The following AKAP14 variants were observed in gnomAD, a reference collection of about 807,000 sequenced individuals.
AKAP14 encodes the protein A-kinase anchor protein 14.
In AKAP14, 4 loss-of-function variants were observed where a neutral mutation model predicts 17.0. The observed-to-expected ratio is 0.23, with a 90% CI of 0.12 to 0.54. The LOEUF (loss-of-function observed/expected upper bound fraction) is 0.54. Ranked by LOEUF, AKAP14 falls within the 20% of genes least tolerant of loss-of-function variation. AKAP14 has a pLI of 0.95. For missense variants in AKAP14, 129 were observed against 150.9 expected, an observed-to-expected ratio of 0.85 and a Z score of 0.76; for synonymous variants, 42 against 51.3, an observed-to-expected ratio of 0.82 and a Z score of 0.77.
chrX:119,903,841 TCTTCCTA>T (rs1234640014), intron 4 of AKAP14, among the ~76,000 whole-genome samples: 3 of 112,167 alleles, frequency 2.7e-5, no homozygotes, highest in Non-Finnish European at 5.6e-5. Flanking sequence ...GAAAATCTGC[TCTTCCTA>T]CTTAAGCAAT....
Position 119,914,823 on chromosome X carries a change from C to G in AKAP14, c.386C>G (p.Ala129Gly), listed in dbSNP as rs61752963. 0.013 allele frequency: 15,527 copies of G among 1,209,379 alleles called. 119 individuals are homozygous for G. Among genetic ancestry groups the G allele is most frequent in the Non-Finnish European group, 0.013 (11,204 of 894,822 alleles). The change falls in exon 5 of 7, where the codon GCA becomes GGA. Residue 129 changes from alanine to glycine, a missense_variant. By Grantham distance (60) the Ala-to-Gly change is moderately conservative. Coordinates refer to ENST00000371431, the MANE Select transcript of AKAP14 (RefSeq NM_178813.6). ...WSISTADLPV[A>G]RISAGTYFTM... The stretch of plus-strand genomic sequence containing the variant: ...ATCTCAACTGCTGACCTACCCGTAG[C>G]ACGAATCTCTGCTGGTACCTACTTC...
intron 4 of AKAP14, among the ~76,000 whole-genome samples, chrX:119,907,976 T>A (rs1157973950): frequency 1.8e-5 from 2 of 111,946 alleles, no homozygotes; most frequent in African/African-American, 6.5e-5. Flanking sequence ...ATACGAATAA[T>A]TAAACCTGGT....
chrX:119,919,942 A>G lies in AKAP14; in HGVS notation c.473A>G (p.Asp158Gly), dbSNP rs1410449098. ...DAPIVVSYVGDHQALVHRPGM... is the reference protein window; with the variant it reads ...DAPIVVSYVGGHQALVHRPGM... The stretch of plus-strand genomic sequence containing the variant: ...CCCATTGTTGTTTCTTATGTAGGTG[A>G]CCACCAAGCATTAGTTCACAGGTAA... Residue 158 changes from aspartate to glycine, a missense_variant, in exon 6 of 7, where the codon GAC becomes GGC. Coordinates refer to ENST00000371431, the MANE Select transcript of AKAP14 (RefSeq NM_178813.6). 8.3e-7 allele frequency: 1 copy of G among 1,210,491 alleles called. No individual in the cohort carries two copies. Among genetic ancestry groups the G allele is most frequent in the Non-Finnish European group, 1.1e-6 (1 of 894,653 alleles).
chrX:119,918,018 T>A (rs2056668801), intron 5 of AKAP14, among the ~76,000 whole-genome samples: 1 of 111,600 alleles, frequency 9.0e-6, no homozygotes, highest in African/African-American at 3.2e-5. Flanking sequence ...TCCTTCCCTC[T>A]CACTGTGCTC....
chrX:119,904,578 C>T (rs2056586827), intron 4 of AKAP14, among the ~76,000 whole-genome samples: 1 of 111,495 alleles, frequency 9.0e-6, no homozygotes, highest in South Asian at 3.7e-4. Context: ...TAGTGGGACC[C>T]CATCTCTATA....
At chrX:119,905,561 C>T (rs1765384521) in intron 4 of AKAP14, among the ~76,000 whole-genome samples, 1 of 111,090 alleles carries the variant, frequency 9.0e-6, no homozygotes, top group African/African-American at 3.3e-5. Context: ...GATCTGAGTT[C>T]CCTTTCCCCT....
At chrX:119,912,369 T>A (rs2056632308) in intron 4 of AKAP14, among the ~76,000 whole-genome samples, 1 of 111,302 alleles carries the variant, frequency 9.0e-6, no homozygotes, top group South Asian at 3.7e-4. Flanking sequence ...ATTGCCTAAG[T>A]CCAGGTGAGA....
Position 119,903,524 on chromosome X carries a change from T to G in AKAP14, c.199T>G (p.Trp67Gly), listed in dbSNP as rs371770998. 8.3e-7 allele frequency: 1 copy of G among 1,211,619 alleles called. No homozygotes were observed. The highest frequency in any genetic ancestry group is 1.1e-6 in the Non-Finnish European group (1 of 895,494). The change falls in exon 4 of 7, where the codon TGG (tryptophan) becomes GGG (glycine). Residue 67 changes from tryptophan to glycine, a missense_variant. Transcript: ENST00000371431. ...EERNPLKNIK[W>G]MTHGEFTVEK... ...GCGAAACCCTTTGAAAAACATCAAG[T>G]GGATGACTCACGGTGAATTCACTGT...
intron 4 of AKAP14, among the ~76,000 whole-genome samples, chrX:119,911,353 CAA>C (rs1401058943): frequency 9.5e-5 from 7 of 74,010 alleles, no homozygotes; most frequent in Non-Finnish European, 2.7e-5. Flanking sequence ...GACTCTGTTT[CAA>C]AAAAAAAAAA....
chrX:119,899,720 CAGG>C (rs1254578464), intron 2 of AKAP14, among the ~76,000 whole-genome samples: 1 of 111,579 alleles, frequency 9.0e-6, no homozygotes, highest in Non-Finnish European at 1.9e-5. Context: ...GGGCAGGAAG[CAGG>C]AGGAGATGCA....
chrX:119,905,426 G>A (rs1230040628), intron 4 of AKAP14, among the ~76,000 whole-genome samples: 1 of 112,799 alleles, frequency 8.9e-6, no homozygotes, highest in Non-Finnish European at 1.9e-5. Context: ...ACTGCACTCA[G>A]GGTTCCTGAA....
At chrX:119,919,056 C>T (rs1408051937) in intron 5 of AKAP14, among the ~76,000 whole-genome samples, 1 of 111,436 alleles carries the variant, frequency 9.0e-6, no homozygotes, top group African/African-American at 3.3e-5. Flanking sequence ...GCTAATTGGC[C>T]AGGTCAGAGG....
At chrX:119,900,964 G>C (rs111608281) in intron 2 of AKAP14, among the ~76,000 whole-genome samples, 5,076 of 112,400 alleles carry the variant, frequency 0.045, 100 homozygotes, top group East Asian at 0.14. Flanking sequence ...TGAAAATGAG[G>C]AAAGACTTCT....
At chrX:119,916,493 ATATC>A (rs1279300584) in intron 5 of AKAP14, among the ~76,000 whole-genome samples, 1 of 106,320 alleles carries the variant, frequency 9.4e-6, no homozygotes, top group East Asian at 3.1e-4. Context: ...TCATCTATCT[ATATC>A]TATCTACTTA....
chrX:119,898,540 C>A (rs2056544761), intron 2 of AKAP14, among the ~76,000 whole-genome samples: 1 of 110,627 alleles, frequency 9.0e-6, no homozygotes, highest in Non-Finnish European at 1.9e-5. Flanking sequence ...ACCTGTAATC[C>A]CAGCACTTTG....
chrX:119,914,784 A>G lies in AKAP14; in HGVS notation c.347A>G (p.Tyr116Cys), dbSNP rs771854725. The change falls in exon 5 of 7, where the codon TAT (tyrosine) becomes TGT (cysteine). Residue 116 changes from tyrosine to cysteine, a missense_variant. Transcript: ENST00000371431. Reference sequence around the variant, plus strand: ...ATTCACAGCTTCCTCTACATCTACTATGTACACTGGAGTATCTCAACTGCT... The same window carrying G: ...ATTCACAGCTTCCTCTACATCTACTGTGTACACTGGAGTATCTCAACTGCT... ...DLIHSFLYIYYVHWSISTADL... is the reference protein window; with the variant it reads ...DLIHSFLYIYCVHWSISTADL... 8.3e-7 allele frequency: 1 copy of G among 1,209,582 alleles called. No homozygotes were observed. The highest frequency in any genetic ancestry group is 3.0e-5 in the East Asian group (1 of 33,858).
chrX:119,907,765 G>A (rs1603377852), intron 4 of AKAP14, among the ~76,000 whole-genome samples: 3 of 111,494 alleles, frequency 2.7e-5, no homozygotes, highest in Admixed American at 9.6e-5. Context: ...CACTGCACCC[G>A]GTGTGAGCCA....
intron 4 of AKAP14, among the ~76,000 whole-genome samples, chrX:119,908,440 A>G (rs988892018): frequency 1.6e-4 from 18 of 111,032 alleles, no homozygotes; most frequent in South Asian, 3.7e-4. Flanking sequence ...GAAAAATCAG[A>G]GAATGCCCAT....
intron 4 of AKAP14, among the ~76,000 whole-genome samples, chrX:119,908,224 T>C (rs2056608562): frequency 9.5e-6 from 1 of 105,701 alleles, no homozygotes; most frequent in Non-Finnish European, 1.9e-5. Context: ...GAGGCGGAGG[T>C]TGCAGTGAGC....
Sources: gnomAD v4.1 joint callset for allele counts (sites outside exome capture counted in the v4.1 genomes callset) on GRCh38, gnomAD v4.1.1 for gene constraint, MANE v1.5 for transcripts, NCBI Gene and HGNC (gene_info 2026-07-23, HGNC 2026-07-21) for gene names.